Variants in CTNNA2 observed in about 807,000 individuals in gnomAD.
The protein encoded by CTNNA2 is catenin alpha 2.
In CTNNA2, 42 loss-of-function variants were observed where a neutral mutation model predicts 101.0. The ratio of observed to expected loss-of-function variants is 0.42; its 90% CI spans 0.32 to 0.54. The LOEUF (loss-of-function observed/expected upper bound fraction) is 0.54. Among genes scored for constraint, CTNNA2 ranks in the 20% least tolerant of loss-of-function variants. The pLI, the probability that CTNNA2 is intolerant of heterozygous loss-of-function variation, is 0.14. For missense variants in CTNNA2, 871 were observed against 1,223.1 expected (o/e 0.71, Z 4.29); for synonymous variants, 450 against 456.4 (o/e 0.99, Z 0.18).
chr2:80,603,985 A>G, intron 15 of CTNNA2, 89 bp from the exon 16 acceptor site: 1 of 1,108,354 alleles, frequency 9.0e-7, no homozygotes, highest in Non-Finnish European at 1.3e-6. Flanking sequence ...ATAAAATACA[A>G]CACTAGACTC....
At chr2:80,034,311 C>CA (rs1161525195) in intron 7 of CTNNA2, among the ~76,000 whole-genome samples, 1 of 149,908 alleles carries the variant, frequency 6.7e-6, no homozygotes, top group Non-Finnish European at 1.5e-5. Context: ...GAAGTACAAA[C>CA]AGTTCTTAAC....
At chr2:80,431,804 G>A (rs985954206) in intron 9 of CTNNA2, among the ~76,000 whole-genome samples, 4 of 152,160 alleles carry the variant, frequency 2.6e-5, no homozygotes, top group African/African-American at 9.7e-5. Flanking sequence ...ATAGGTCTGT[G>A]CCTGTCACAT....
intron 3 of CTNNA2, among the ~76,000 whole-genome samples, chr2:79,819,836 A>C (rs1455488252): frequency 1.3e-5 from 2 of 152,148 alleles, no homozygotes; most frequent in Non-Finnish European, 2.9e-5. Flanking sequence ...ATGATACCAC[A>C]ATTACCCTGA....
At chr2:80,357,230 T>A (rs1052759584) in intron 7 of CTNNA2, among the ~76,000 whole-genome samples, 3 of 99,768 alleles carry the variant, frequency 3.0e-5, no homozygotes, top group Admixed American at 2.8e-4. Flanking sequence ...CAAAATAGCA[T>A]TTTTTTTTTG....
At chr2:79,432,723 G>A (rs1221545959) in intron 4 of CTNNA2, among the ~76,000 whole-genome samples, 2 of 152,152 alleles carry the variant, frequency 1.3e-5, no homozygotes, top group African/African-American at 4.8e-5. Context: ...TTTCCACTTT[G>A]GAAGGCTGTG....
chr2:79,388,128 A>T (rs934453700), intron 4 of CTNNA2, among the ~76,000 whole-genome samples: 1 of 152,204 alleles, frequency 6.6e-6, no homozygotes, highest in African/African-American at 2.4e-5. Flanking sequence ...CTGCTAGATA[A>T]TCTAGGTTAT....
intron 1 of CTNNA2, among the ~76,000 whole-genome samples, chr2:79,647,123 A>G (rs1216356603): frequency 6.6e-6 from 1 of 152,160 alleles, no homozygotes; most frequent in Non-Finnish European, 1.5e-5. Context: ...GATTGAGACT[A>G]TATATCATTT....
At chr2:80,144,317 T>G (rs781242227) in intron 7 of CTNNA2, among the ~76,000 whole-genome samples, 32 of 152,224 alleles carry the variant, frequency 2.1e-4, no homozygotes, top group Admixed American at 5.2e-4. Context: ...AAAGACAGCC[T>G]CCTCCTTAAC....
chr2:80,645,069 CAAGAGCAATATCA>C (rs1358559218), intron 18 of CTNNA2, among the ~76,000 whole-genome samples: 4 of 152,172 alleles, frequency 2.6e-5, no homozygotes, highest in Non-Finnish European at 5.9e-5. Flanking sequence ...TTTAATAATA[CAAGAGCAATATCA>C]TCTTGTTCTA....
At chr2:80,340,008 G>A (rs1173929993) in intron 7 of CTNNA2, among the ~76,000 whole-genome samples, 4 of 152,152 alleles carry the variant, frequency 2.6e-5, no homozygotes, top group Admixed American at 2.6e-4. Flanking sequence ...TGGCCATTGT[G>A]CTTACAAAGT....
chr2:80,094,094 G>A (rs1699981803), intron 7 of CTNNA2, among the ~76,000 whole-genome samples: 1 of 152,192 alleles, frequency 6.6e-6, no homozygotes, highest in African/African-American at 2.4e-5. Context: ...CCTATGTTCT[G>A]AATGGTATTG....
chr2:80,316,548 C>T (rs1678142423), intron 7 of CTNNA2, among the ~76,000 whole-genome samples: 1 of 152,176 alleles, frequency 6.6e-6, no homozygotes, highest in Non-Finnish European at 1.5e-5. Context: ...ATTTAAGCAT[C>T]TGGCATGTGC....
At chr2:79,410,338 G>C (rs1452248444) in intron 4 of CTNNA2, among the ~76,000 whole-genome samples, 10 of 145,202 alleles carry the variant, frequency 6.9e-5, no homozygotes, top group African/African-American at 1.3e-4. Flanking sequence ...CCAACACTAT[G>C]TTGAATAGGA....
chr2:79,793,425 T>A (rs1460259338), intron 3 of CTNNA2, among the ~76,000 whole-genome samples: 2 of 152,158 alleles, frequency 1.3e-5, no homozygotes, highest in Non-Finnish European at 2.9e-5. Context: ...CACAGGAAGC[T>A]TTATCTTTTA....
At chr2:80,344,869 C>A (rs772608222) in intron 7 of CTNNA2, among the ~76,000 whole-genome samples, 1 of 152,144 alleles carries the variant, frequency 6.6e-6, no homozygotes, top group Non-Finnish European at 1.5e-5. Context: ...AGTGCTTTAT[C>A]CCAAAAGCCT....
intron 7 of CTNNA2, among the ~76,000 whole-genome samples, chr2:80,117,023 G>GAGAA (rs1307909362): frequency 2.6e-5 from 4 of 151,872 alleles, no homozygotes; most frequent in African/African-American, 9.7e-5. Flanking sequence ...TGGGAATTGG[G>GAGAA]AGAAAGAAGA....
intron 7 of CTNNA2, among the ~76,000 whole-genome samples, chr2:80,078,799 C>A (rs1317731201): frequency 6.6e-6 from 1 of 152,172 alleles, no homozygotes; most frequent in Non-Finnish European, 1.5e-5. Context: ...TCAGCCCTTA[C>A]CCCCTATGTT....
At chr2:80,299,000 A>G (rs986084773) in intron 7 of CTNNA2, 1 of 152,186 alleles carries the variant, frequency 6.6e-6, no homozygotes, top group African/African-American at 2.4e-5. Context: ...TCATGTGAAA[A>G]GACTTTTTTT....
chr2:79,467,860 C>A (rs891376230), intron 4 of CTNNA2, among the ~76,000 whole-genome samples: 2 of 152,150 alleles, frequency 1.3e-5, no homozygotes, highest in African/African-American at 2.4e-5. Flanking sequence ...GCTTGCCCTA[C>A]AAGAGCTCCT....
Sources: gnomAD v4.1 joint callset for allele counts (sites outside exome capture counted in the v4.1 genomes callset) on GRCh38, gnomAD v4.1.1 for gene constraint, MANE v1.5 for transcripts, NCBI Gene and HGNC (gene_info 2026-07-23, HGNC 2026-07-21) for gene names.